ABI1: variants seen among roughly 807,000 people sequenced by gnomAD.
ABI1 encodes abl interactor 1.
In ABI1, 14 loss-of-function variants were observed where a neutral mutation model predicts 54.6. The observed-to-expected ratio is 0.26, with a 90% CI of 0.17 to 0.40. ABI1 has a LOEUF of 0.40. ABI1 is among the 10% of genes least tolerant of loss of function. The pLI, the probability that ABI1 is intolerant of heterozygous loss-of-function variation, is 1.00. For synonymous variants in ABI1, 194 were observed against 209.3 expected (o/e 0.93, Z 0.63); for missense variants, 443 against 598.3 (o/e 0.74, Z 2.71).
intron 1 of ABI1, among the ~76,000 whole-genome samples, chr10:26,825,985 T>C (rs1186272971): frequency 6.6e-6 from 1 of 152,196 alleles, no homozygotes; most frequent in Non-Finnish European, 1.5e-5. Context: ...GCATCATCCA[T>C]GAGGGCTGGA....
At position 26,755,757 on chromosome 10, in the gene ABI1, C is replaced by A; in HGVS notation, c.998-16G>T. Reference sequence around the variant, plus strand: ...GCAATAGAAACTGGTAGCAACAACACAGTATGGGGGAAGTAAAACAGATAA... The same window carrying A: ...GCAATAGAAACTGGTAGCAACAACAAAGTATGGGGGAAGTAAAACAGATAA... On this transcript the variant is annotated splice_polypyrimidine_tract_variant and intron_variant, in intron 8 of 10. Transcript: ENST00000376140. The A allele has an allele frequency of 6.4e-7, 1 of 1,563,082 alleles. No individual in the cohort carries two copies. The highest frequency in any genetic ancestry group is 1.7e-5 in the Admixed American group (1 of 59,086).
rs78526812 is a variant in ABI1, at chr10:26,860,002, TA to T, written c.117+744del. On this transcript the variant is annotated intron_variant, in intron 1 of 10. Coordinates refer to ENST00000376140, the MANE Select transcript of ABI1 (RefSeq NM_001012750.3). This position sits in a 1 kb window ranked among gnomAD's most constrained non-coding sequence, Gnocchi z 4.1. ...GAAAACGATGAGAGGGGGAAAAAAATAAAAAAAACCCGACTTGAAAATGGAC... is the reference window on the plus strand; with the variant it reads ...GAAAACGATGAGAGGGGGAAAAAAATAAAAAAACCCGACTTGAAAATGGAC... Among the ~76,000 whole-genome samples, 9 of 150,908 alleles carry T rather than the reference TA, an allele frequency of 6.0e-5. No homozygotes were observed. Among genetic ancestry groups the T allele is most frequent in the Non-Finnish European group, 8.9e-5 (6 of 67,668 alleles).
chr10:26,857,977 C>T (rs886373662), intron 1 of ABI1, among the ~76,000 whole-genome samples: 4 of 152,076 alleles, frequency 2.6e-5, no homozygotes, highest in South Asian at 2.1e-4. Flanking sequence ...AATAAACTGC[C>T]GCAAGAACTT....
At chr10:26,836,808 T>A (rs1427779558) in intron 1 of ABI1, among the ~76,000 whole-genome samples, 4 of 152,188 alleles carry the variant, frequency 2.6e-5, no homozygotes, top group Admixed American at 1.3e-4. Flanking sequence ...AAATAATAAA[T>A]GCTCCTTACT....
intron 2 of ABI1, among the ~76,000 whole-genome samples, chr10:26,793,967 G>A (rs1226454000): frequency 6.6e-6 from 1 of 152,178 alleles, no homozygotes; most frequent in East Asian, 1.9e-4. Flanking sequence ...CAAGGGCCGG[G>A]TGCAGTGGTT....
chr10:26,783,690 C>T (rs1032862394), intron 2 of ABI1, among the ~76,000 whole-genome samples: 1 of 152,194 alleles, frequency 6.6e-6, no homozygotes, highest in Non-Finnish European at 1.5e-5. Flanking sequence ...CTCTGGGTGG[C>T]AACCCAGCCA....
intron 3 of ABI1, among the ~76,000 whole-genome samples, chr10:26,775,774 A>C (rs1242096678): frequency 6.6e-6 from 1 of 152,158 alleles, no homozygotes; most frequent in Non-Finnish European, 1.5e-5. Flanking sequence ...GACAGAAAAA[A>C]TTTTTAATAA....
At chr10:26,841,104 T>A (rs1241346116) in intron 1 of ABI1, among the ~76,000 whole-genome samples, 3 of 152,192 alleles carry the variant, frequency 2.0e-5, no homozygotes, top group Non-Finnish European at 4.4e-5. Flanking sequence ...CAGAGTTGAG[T>A]AATTGTGTCA....
intron 2 of ABI1, among the ~76,000 whole-genome samples, chr10:26,789,387 G>C (rs901711547): frequency 6.6e-6 from 1 of 152,110 alleles, no homozygotes; most frequent in Non-Finnish European, 1.5e-5. Context: ...TTTAAAGCAT[G>C]AATACATACA....
At chr10:26,850,418 G>C (rs906585687) in intron 1 of ABI1, among the ~76,000 whole-genome samples, 1 of 151,924 alleles carries the variant, frequency 6.6e-6, no homozygotes. Flanking sequence ...CCAGCACTTT[G>C]GGAGGCCAAG....
intron 7 of ABI1, among the ~76,000 whole-genome samples, chr10:26,761,661 T>TATATATAGACAC (rs1375832167): frequency 1.3e-5 from 1 of 78,940 alleles, no homozygotes; most frequent in Non-Finnish European, 2.4e-5. Context: ...TATATATATA[T>TATATATAGACAC]ACACACACAC....
At chr10:26,779,341 AGATTC>A in intron 2 of ABI1, among the ~76,000 whole-genome samples, 1 of 152,350 alleles carries the variant, frequency 6.6e-6, no homozygotes, top group East Asian at 1.9e-4. Context: ...GGAAGTAGGC[AGATTC>A]AAAGACAACA....
chr10:26,777,050 A>G lies in ABI1; in HGVS notation c.462+15T>C. Reference sequence around the variant, plus strand: ...ATATGCAAATTAGCTTGTTAATGTAATATAAAATGCTTACCTTGACACCAT... The same window carrying G: ...ATATGCAAATTAGCTTGTTAATGTAGTATAAAATGCTTACCTTGACACCAT... On this transcript the variant is annotated intron_variant, in intron 3 of 10. Transcript: ENST00000376140. 6.4e-7 allele frequency: 1 copy of G among 1,555,412 alleles called. No individual in the cohort carries two copies. The highest frequency in any genetic ancestry group is 2.2e-5 in the Admixed American group (1 of 46,350).
chr10:26,806,065 G>A (rs945122956), intron 2 of ABI1, among the ~76,000 whole-genome samples: 15 of 152,098 alleles, frequency 9.9e-5, no homozygotes, highest in Admixed American at 3.3e-4. Flanking sequence ...TCTATACTCC[G>A]TATCAACATG....
Position 26,840,536 on chromosome 10 carries a change from A to G in ABI1, c.118-17231T>C, listed in dbSNP as rs1293484218. Reference sequence around the variant, plus strand: ...CTATCTCCAGCCTAGTGATTCATTAATCACATTTTCCAAATCAAAAATCAG... The same window carrying G: ...CTATCTCCAGCCTAGTGATTCATTAGTCACATTTTCCAAATCAAAAATCAG... On this transcript the variant is annotated intron_variant, in intron 1 of 10. Transcript: ENST00000376140. Among the ~76,000 whole-genome samples the G allele has an allele frequency of 2.0e-5, 3 of 152,330 alleles. No homozygotes were observed. In the East Asian group the frequency reaches 5.8e-4, roughly 29 times the overall value.
intron 2 of ABI1, among the ~76,000 whole-genome samples, chr10:26,799,967 C>A (rs2046435052): frequency 7.2e-6 from 1 of 138,610 alleles, no homozygotes; most frequent in Non-Finnish European, 1.6e-5. Context: ...ACTAAAAACA[C>A]TTGGAAAACA....
intron 2 of ABI1, among the ~76,000 whole-genome samples, chr10:26,807,000 T>A (rs2046915691): frequency 6.6e-6 from 1 of 152,316 alleles, no homozygotes; most frequent in Admixed American, 6.5e-5. Flanking sequence ...TTTTCTTGAA[T>A]ATTGGCCATG....
intron 1 of ABI1, among the ~76,000 whole-genome samples, chr10:26,843,329 C>T (rs1449738814): frequency 6.7e-6 from 1 of 150,286 alleles, no homozygotes; most frequent in Non-Finnish European, 1.5e-5. Context: ...TGGCATGCAC[C>T]TGTAGTCCCA....
chr10:26,823,305 C>G lies in ABI1; in HGVS notation c.118G>C (p.Ala40Pro). 1.3e-6 allele frequency: 2 copies of G among 1,503,844 alleles called. No individual in the cohort carries two copies. Among genetic ancestry groups the G allele is most frequent in the South Asian group, 1.4e-5 (1 of 71,358 alleles). 93.2% of individuals were successfully genotyped at this position (1,503,844 alleles called of 1,614,324 possible). A position where few individuals can be genotyped will look rare whatever the true frequency, so the allele number is the denominator to read the frequency against. The change falls in exon 2 of 11, where the codon GCT becomes CCT. Residue 40 changes from alanine to proline, a missense_variant and splice_region_variant. Transcript: ENST00000376140. ...TCTAAAGCTTTTCTCTTGTCTGTAG[C>G]CTGAAATAAGAACAAAAACAACAAA... ...ADYCENNYIQATDKRKALEET... is the reference protein window; with the variant it reads ...ADYCENNYIQPTDKRKALEET...
Sources: allele counts gnomAD v4.1 joint callset (sites outside exome capture counted in the v4.1 genomes callset), GRCh38; gene constraint gnomAD v4.1.1; non-coding constraint Gnocchi (gnomAD v3.1); transcripts MANE v1.5; gene names NCBI Gene and HGNC (gene_info 2026-07-23, HGNC 2026-07-21).